Variants in ADAM23 observed in about 807,000 individuals in gnomAD.
The protein encoded by ADAM23 is disintegrin and metalloproteinase domain-containing protein 23.
In ADAM23, 33 loss-of-function variants were observed where a neutral mutation model predicts 120.1. That is an observed-to-expected ratio of 0.27 (90% CI 0.21 to 0.37). ADAM23 has a LOEUF of 0.37. Among genes scored for constraint, ADAM23 ranks in the 10% least tolerant of loss-of-function variants. The pLI, the probability that ADAM23 is intolerant of heterozygous loss-of-function variation, is 1.00. For synonymous variants in ADAM23, 367 were observed against 375.2 expected (o/e 0.98, Z 0.25); for missense variants, 862 against 1,058.2 (o/e 0.81, Z 2.57).
intron 1 of ADAM23, 127 bp from the exon 2 acceptor site, chr2:206,445,180 A>C: frequency 1.4e-6 from 1 of 700,416 alleles, no homozygotes; most frequent in Non-Finnish European, 2.4e-6. Context: ...ACTGCTTATA[A>C]ATAGAAAACT....
intron 15 of ADAM23, among the ~76,000 whole-genome samples, chr2:206,568,758 A>G (rs972002550): frequency 1.4e-4 from 21 of 152,252 alleles, no homozygotes; most frequent in African/African-American, 3.1e-4. Context: ...GCTCATTGCT[A>G]TGCAAAATGT....
chr2:206,596,864 T>G (rs1698536595), intron 24 of ADAM23, among the ~76,000 whole-genome samples: 1 of 150,944 alleles, frequency 6.6e-6, no homozygotes. Context: ...GTGCCTGATC[T>G]CAGACTCTTG....
rs1559256364 is a variant in ADAM23 at position 206,543,280 on chromosome 2, G to A, written c.684G>A (p.Val228=). The A allele has an allele frequency of 6.2e-7, 1 of 1,614,074 alleles. No homozygotes were observed. Among genetic ancestry groups the A allele is most frequent in the South Asian group, 1.1e-5 (1 of 91,066 alleles). Residue 228 remains valine (V), a synonymous_variant, in exon 6 of 26, where the codon GTG becomes GTA. Transcript: ENST00000264377. ...LHGMFEDDTF[V]YMIEPLELVH... is the part of the protein sequence containing the mutation. ...GCATGTTTGAAGATGATACCTTCGT[G>A]TATATGATAGAGCCACTAGAGCTGG...
In ADAM23 at chr2:206,451,614, A is replaced by G. The variant is rs1312068483; in HGVS notation, c.432+6090A>G. 2.6e-5 allele frequency among the ~76,000 whole-genome samples: 4 copies of G among 152,354 alleles called. No homozygotes were observed. The East Asian group carries it at 7.7e-4, about 29-fold the overall frequency. On this transcript the variant is annotated intron_variant, in intron 2 of 25. Coordinates refer to ENST00000264377, the MANE Select transcript of ADAM23 (RefSeq NM_003812.4). ...AGAACCCAGTGACATAGGCATTTAT[A>G]GACATAGCAGTTGAGATTTATAGTT...
Position 206,589,532 on chromosome 2 carries a change from A to C in ADAM23, c.1958+18A>C, listed in dbSNP as rs1698387005. The C allele has an allele frequency of 6.2e-7, 1 of 1,603,274 alleles. No individual in the cohort carries two copies. The highest frequency in any genetic ancestry group is 8.5e-7 in the Non-Finnish European group (1 of 1,173,444). On this transcript the variant is annotated intron_variant, in intron 21 of 25. Transcript: ENST00000264377. Reference sequence around the variant, plus strand: ...AGCAAACAGTGAGTGGTCAGCTCTAAGGGCATAGTCACTGGACTTGGAAGC... The same window carrying C: ...AGCAAACAGTGAGTGGTCAGCTCTACGGGCATAGTCACTGGACTTGGAAGC...
chr2:206,508,598 G>T (rs1696551890), intron 3 of ADAM23, among the ~76,000 whole-genome samples: 1 of 148,468 alleles, frequency 6.7e-6, no homozygotes, highest in Non-Finnish European at 1.5e-5. Context: ...AGAGGCTGCA[G>T]TGAACCAAGA....
intron 3 of ADAM23, among the ~76,000 whole-genome samples, chr2:206,519,376 T>C (rs1696799721): frequency 6.6e-6 from 1 of 152,178 alleles, no homozygotes; most frequent in Non-Finnish European, 1.5e-5. Flanking sequence ...AGAATGAAAA[T>C]TCTGTTTGTT....
chr2:206,567,326 A>AG lies in ADAM23; in HGVS notation c.1494+5dup. 1 of 1,605,342 alleles carries AG rather than the reference A, an allele frequency of 6.2e-7. No individual in the cohort carries two copies. The highest frequency in any genetic ancestry group is 8.5e-7 in the Non-Finnish European group (1 of 1,172,188). ...CCTTTTCAACAGGCCAACAAAGGTTAGTAACTTAGAAAGCATACTAAGAAA... is the reference window on the plus strand; with the variant it reads ...CCTTTTCAACAGGCCAACAAAGGTTAGGTAACTTAGAAAGCATACTAAGAAA... On this transcript the variant is annotated splice_donor_region_variant and intron_variant, in intron 15 of 25. Transcript: ENST00000264377.
Position 206,476,609 on chromosome 2 carries a change from T to C in ADAM23, c.433-4623T>C, listed in dbSNP as rs1021550712. Among the ~76,000 whole-genome samples the C allele has an allele frequency of 2.0e-5, 3 of 152,134 alleles. No individual in the cohort carries two copies. In the South Asian group the frequency reaches 6.2e-4, roughly 31 times the overall value. ...GATCTGAAGTGGAACAGTTTCATCCTGAAACCATCCCCCACTCCACCCCAT... is the reference window on the plus strand; with the variant it reads ...GATCTGAAGTGGAACAGTTTCATCCCGAAACCATCCCCCACTCCACCCCAT... On this transcript the variant is annotated intron_variant, in intron 2 of 25. Coordinates refer to ENST00000264377, the MANE Select transcript of ADAM23 (RefSeq NM_003812.4).
intron 3 of ADAM23, among the ~76,000 whole-genome samples, chr2:206,522,933 G>C (rs1696873034): frequency 6.6e-6 from 1 of 152,056 alleles, no homozygotes; most frequent in South Asian, 2.1e-4. Flanking sequence ...AACTAGAAAT[G>C]TGTTATCCAC....
rs1479666424 is a variant in ADAM23, at chr2:206,618,600, T to C, written c.*973T>C. The C allele has an allele frequency of 1.3e-5, 2 of 152,170 alleles. No individual in the cohort carries two copies. The highest frequency in any genetic ancestry group is 2.9e-5 in the Non-Finnish European group (2 of 68,028). 9.4% of individuals were successfully genotyped at this position (152,170 alleles called of 1,614,324 possible). Reference sequence around the variant, plus strand: ...TGTCCTTCTCTCTTGTAACGTGTTATACAATGACTCTTGGGCTTGCTTAAA... The same window carrying C: ...TGTCCTTCTCTCTTGTAACGTGTTACACAATGACTCTTGGGCTTGCTTAAA... On this transcript the variant is annotated 3_prime_UTR_variant, in exon 26 of 26. Coordinates refer to ENST00000264377, the MANE Select transcript of ADAM23 (RefSeq NM_003812.4).
chr2:206,570,643 A>G (rs1407874712), intron 15 of ADAM23, 97 bp from the exon 16 acceptor site: 2 of 875,196 alleles, frequency 2.3e-6, no homozygotes, highest in African/African-American at 3.3e-5. Flanking sequence ...ATATCACATG[A>G]TAGCTGATTA....
chr2:206,481,697 G>C (rs1218564235), intron 3 of ADAM23, among the ~76,000 whole-genome samples: 1 of 152,156 alleles, frequency 6.6e-6, no homozygotes, highest in Non-Finnish European at 1.5e-5. Flanking sequence ...CATGACTTCT[G>C]TGGGAAGAAC....
intron 3 of ADAM23, among the ~76,000 whole-genome samples, chr2:206,508,212 G>A (rs1415187844): frequency 6.6e-6 from 1 of 152,040 alleles, no homozygotes; most frequent in Non-Finnish European, 1.5e-5. Context: ...TGTATTTTTA[G>A]TAGAGACGGG....
chr2:206,487,382 G>T (rs533532293), intron 3 of ADAM23, among the ~76,000 whole-genome samples: 1 of 152,002 alleles, frequency 6.6e-6, no homozygotes, highest in African/African-American at 2.4e-5. Context: ...CTTCAAAGTC[G>T]GCTGAAGAAA....
chr2:206,566,090 T>C (rs1373561091), intron 14 of ADAM23, among the ~76,000 whole-genome samples: 1 of 151,866 alleles, frequency 6.6e-6, no homozygotes, highest in Non-Finnish European at 1.5e-5. Context: ...TATAAGAAGA[T>C]AACACCTATA....
intron 3 of ADAM23, among the ~76,000 whole-genome samples, chr2:206,494,429 A>T (rs543730160): frequency 6.6e-6 from 1 of 152,176 alleles, no homozygotes; most frequent in Non-Finnish European, 1.5e-5. Context: ...CTCCCTGTGC[A>T]CTATGCCAGC....
chr2:206,502,682 A>T (rs922241528), intron 3 of ADAM23, among the ~76,000 whole-genome samples: 5 of 152,080 alleles, frequency 3.3e-5, no homozygotes, highest in Non-Finnish European at 7.4e-5. Context: ...TCCAGTCCCC[A>T]TCTTATTTTC....
chr2:206,554,330 C>T (rs1230748018), intron 9 of ADAM23, among the ~76,000 whole-genome samples: 1 of 152,102 alleles, frequency 6.6e-6, no homozygotes, highest in Admixed American at 6.6e-5. Context: ...TAAGAGTCTG[C>T]AAACATGTCT....
Sources: gnomAD v4.1 joint callset for allele counts (sites outside exome capture counted in the v4.1 genomes callset) on GRCh38, gnomAD v4.1.1 for gene constraint, MANE v1.5 for transcripts, NCBI Gene and HGNC (gene_info 2026-07-23, HGNC 2026-07-21) for gene names.